The following NPAS3 variants were observed in gnomAD, a reference collection of about 807,000 sequenced individuals.
The protein encoded by NPAS3 is neuronal PAS domain-containing protein 3.
A neutral mutation model predicts 73.1 loss-of-function variants in NPAS3; 14 were observed. That is an observed-to-expected ratio of 0.19 (90% CI 0.13 to 0.30). The LOEUF (loss-of-function observed/expected upper bound fraction) is 0.30. NPAS3 is among the 10% of genes least tolerant of loss of function. The probability of loss-of-function intolerance (pLI) is 1.00; values close to 1 mark genes in which losing one functional copy is unlikely to be tolerated. For missense variants in NPAS3, 1,096 were observed against 1,250.0 expected (o/e 0.88, Z 1.86); for synonymous variants, 620 against 541.5 (o/e 1.14, Z -2.01).
chr14:33,203,075 C>G (rs186705337), intron 2 of NPAS3, among the ~76,000 whole-genome samples: 1 of 152,292 alleles, frequency 6.6e-6, no homozygotes, highest in Admixed American at 6.5e-5. Flanking sequence ...TTAATCGTCA[C>G]AAAGACATTG....
chr14:33,631,292 G>A (rs1958536), intron 5 of NPAS3, among the ~76,000 whole-genome samples: 2,145 of 152,250 alleles, frequency 0.014, 50 homozygotes, highest in African/African-American at 0.048. Flanking sequence ...ATACCTTTGA[G>A]TTCAAGAATA....
At chr14:33,075,543 G>A (rs1333119857) in intron 2 of NPAS3, among the ~76,000 whole-genome samples, 2 of 152,198 alleles carry the variant, frequency 1.3e-5, no homozygotes, top group African/African-American at 2.4e-5. Context: ...ATTCTCTTGA[G>A]ATTAGCAGTG....
intron 2 of NPAS3, among the ~76,000 whole-genome samples, chr14:33,078,415 T>C (rs1048316917): frequency 6.6e-6 from 1 of 152,046 alleles, no homozygotes; most frequent in African/African-American, 2.4e-5. Flanking sequence ...TTCCAAAATA[T>C]TGAGAAGATT....
At chr14:33,502,828 T>C (rs149060070) in intron 4 of NPAS3, among the ~76,000 whole-genome samples, 2 of 152,092 alleles carry the variant, frequency 1.3e-5, no homozygotes, top group African/African-American at 4.8e-5. Context: ...GCTGCTTCTA[T>C]TTCTTACCAA....
chr14:33,281,788 TA>T (rs2041623140), intron 3 of NPAS3, among the ~76,000 whole-genome samples: 1 of 152,204 alleles, frequency 6.6e-6, no homozygotes, highest in African/African-American at 2.4e-5. Flanking sequence ...CAATATAATT[TA>T]AAACTTCTCT....
rs908017727 is a variant in NPAS3 at position 33,426,620 on chromosome 14, T to C, written c.468+59352T>C. On this transcript the variant is annotated intron_variant, in intron 4 of 11. Transcript: ENST00000356141. Reference sequence around the variant, plus strand: ...CTTAGGATATTGTTAAGGGAGAGATTGAAGTGATGAACCAAGGAGTTAGTG... The same window carrying C: ...CTTAGGATATTGTTAAGGGAGAGATCGAAGTGATGAACCAAGGAGTTAGTG... Among the ~76,000 whole-genome samples, 4 of 151,838 alleles carry C rather than the reference T, an allele frequency of 2.6e-5. No individual in the cohort carries two copies. The South Asian group carries it at 8.3e-4, about 31-fold the overall frequency.
chr14:33,258,259 T>C (rs999908952), intron 3 of NPAS3, among the ~76,000 whole-genome samples: 3 of 152,124 alleles, frequency 2.0e-5, no homozygotes, highest in Admixed American at 2.0e-4. Context: ...TAGCCCAGTG[T>C]GTTGGCACAC....
At chr14:33,003,541 T>G (rs908647375) in intron 1 of NPAS3, among the ~76,000 whole-genome samples, 8 of 152,166 alleles carry the variant, frequency 5.3e-5, no homozygotes, top group African/African-American at 1.7e-4. Flanking sequence ...TCTGTGTCCA[T>G]GAAGGGATCT....
intron 4 of NPAS3, among the ~76,000 whole-genome samples, chr14:33,397,083 G>A (rs1186473012): frequency 6.6e-6 from 1 of 152,054 alleles, no homozygotes; most frequent in East Asian, 1.9e-4. Context: ...GTTTGGTGCT[G>A]AATTAAGAAG....
intron 3 of NPAS3, among the ~76,000 whole-genome samples, chr14:33,298,175 C>T (rs548916045): frequency 6.6e-5 from 10 of 152,176 alleles, no homozygotes; most frequent in African/African-American, 1.7e-4. Context: ...CCCAGCTACT[C>T]GGGAGGCTGA....
chr14:33,802,909 C>T (rs1433479931), downstream of NPAS3: 1 of 152,184 alleles, frequency 6.6e-6, no homozygotes, highest in Non-Finnish European at 1.5e-5. Context: ...CCCTCTCCCT[C>T]CTCTTCATTC....
At chr14:33,280,622 A>G (rs2041558997) in intron 3 of NPAS3, among the ~76,000 whole-genome samples, 1 of 152,198 alleles carries the variant, frequency 6.6e-6, no homozygotes, top group African/African-American at 2.4e-5. Flanking sequence ...ATAGATGGAA[A>G]CATTTTGAAA....
chr14:33,372,907 C>G (rs1200628815), intron 4 of NPAS3, among the ~76,000 whole-genome samples: 2 of 152,292 alleles, frequency 1.3e-5, no homozygotes. Context: ...TGATTAAGCA[C>G]AAATGTGGTT....
chr14:33,637,480 T>A (rs2140164390), intron 5 of NPAS3, among the ~76,000 whole-genome samples: 1 of 152,302 alleles, frequency 6.6e-6, no homozygotes, highest in South Asian at 2.1e-4. Context: ...TCTAAGCTTA[T>A]AAAGCACTAC....
intron 6 of NPAS3, among the ~76,000 whole-genome samples, chr14:33,693,917 C>T (rs2060301789): frequency 6.6e-6 from 1 of 152,106 alleles, no homozygotes; most frequent in Non-Finnish European, 1.5e-5. Flanking sequence ...CAAATCTGCA[C>T]TGATTTCCTT....
intron 4 of NPAS3, among the ~76,000 whole-genome samples, chr14:33,499,546 T>C (rs762201926): frequency 2.0e-5 from 3 of 151,938 alleles, no homozygotes; most frequent in Admixed American, 6.6e-5. Context: ...AGATCACTTG[T>C]AAGCTCCAGC....
intron 1 of NPAS3, among the ~76,000 whole-genome samples, chr14:32,979,040 G>C (rs184386587): frequency 6.6e-6 from 1 of 152,244 alleles, no homozygotes; most frequent in Non-Finnish European, 1.5e-5. Context: ...ACCATTGTGA[G>C]CCTCAGTTTT....
At chr14:32,986,194 G>T (rs2038090555) in intron 1 of NPAS3, among the ~76,000 whole-genome samples, 1 of 152,186 alleles carries the variant, frequency 6.6e-6, no homozygotes, top group Non-Finnish European at 1.5e-5. Flanking sequence ...TTAGAGGAGA[G>T]AATATGAAAA....
intron 5 of NPAS3, among the ~76,000 whole-genome samples, chr14:33,660,935 A>G (rs2059287326): frequency 1.3e-5 from 2 of 152,186 alleles, no homozygotes; most frequent in African/African-American, 4.8e-5. Context: ...GTGTTTCTTC[A>G]GTGTTTCCCC....
Sources: gnomAD v4.1 joint callset for allele counts (sites outside exome capture counted in the v4.1 genomes callset) on GRCh38, gnomAD v4.1.1 for gene constraint, MANE v1.5 for transcripts, NCBI Gene and HGNC (gene_info 2026-07-23, HGNC 2026-07-21) for gene names.